Variants in LRP1B observed in about 807,000 individuals in gnomAD.
LRP1B encodes LDL receptor related protein 1B, also known as low-density lipoprotein receptor-related protein 1B.
LRP1B carries 217 observed loss-of-function variants against 556.6 expected under a neutral mutation model. The observed-to-expected ratio is 0.39, with a 90% CI of 0.35 to 0.44. The LOEUF (loss-of-function observed/expected upper bound fraction) is 0.44. LRP1B is among the 20% of genes least tolerant of loss of function. The pLI, the probability that LRP1B is intolerant of heterozygous loss-of-function variation, is 1.00. For synonymous variants in LRP1B, 2,047 were observed against 1,865.8 expected, an observed-to-expected ratio of 1.10 and a Z score of -2.50; for missense variants, 5,053 against 5,620.8, an observed-to-expected ratio of 0.90 and a Z score of 3.23.
chr2:140,881,443 TATG>T lies in LRP1B; in HGVS notation c.4169+2371_4169+2373del, dbSNP rs1257151362. On this transcript the variant is annotated intron_variant, in intron 25 of 90. Transcript: ENST00000389484. ...AAAATGTATATTTTAAAATGTGCTTTATGATGTTTATATAAACTTTATATCTTA... is the reference window on the plus strand; with the variant it reads ...AAAATGTATATTTTAAAATGTGCTTTATGTTTATATAAACTTTATATCTTA... Among the ~76,000 whole-genome samples, 9 of 152,248 alleles carry T rather than the reference TATG, an allele frequency of 5.9e-5. No homozygotes were observed. The South Asian group carries it at 6.2e-4, about 11-fold the overall frequency.
At chr2:140,301,796 TTTACA>T (rs1683836217) in intron 83 of LRP1B, among the ~76,000 whole-genome samples, 2 of 151,694 alleles carry the variant, frequency 1.3e-5, no homozygotes, top group Non-Finnish European at 2.9e-5. Flanking sequence ...TATTCTGTAC[TTTACA>T]TATATAAAGT....
intron 7 of LRP1B, among the ~76,000 whole-genome samples, chr2:141,100,643 A>C (rs2104937630): frequency 6.6e-6 from 1 of 152,274 alleles, no homozygotes. Context: ...AGAAGAAAGG[A>C]AACCTGGCCT....
intron 86 of LRP1B, among the ~76,000 whole-genome samples, chr2:140,260,381 T>C (rs1681877415): frequency 6.6e-6 from 1 of 151,942 alleles, no homozygotes; most frequent in African/African-American, 2.4e-5. Flanking sequence ...TCTGTACAAA[T>C]TAAACATTAC....
chr2:140,541,186 C>T (rs985769563), intron 44 of LRP1B, 88 bp from the exon 45 acceptor site: 1 of 1,030,880 alleles, frequency 9.7e-7, no homozygotes, highest in Non-Finnish European at 1.4e-6. Flanking sequence ...ATTAGACTGC[C>T]TCAATCTCTC....
At chr2:142,096,866 T>C (rs770645807) in intron 1 of LRP1B, among the ~76,000 whole-genome samples, 3 of 150,912 alleles carry the variant, frequency 2.0e-5, no homozygotes, top group Non-Finnish European at 1.5e-5. Flanking sequence ...TAACCCTTTC[T>C]CCTCTCCCTT....
At chr2:140,933,977 T>A (rs1419417796) in intron 20 of LRP1B, among the ~76,000 whole-genome samples, 5 of 151,906 alleles carry the variant, frequency 3.3e-5, no homozygotes, top group African/African-American at 9.7e-5. Context: ...AAAAGAGGTT[T>A]CCTATGGATA....
intron 27 of LRP1B, among the ~76,000 whole-genome samples, chr2:140,862,047 C>G (rs750850487): frequency 6.6e-6 from 1 of 152,124 alleles, no homozygotes. Context: ...ATCTTATCTA[C>G]ATTTTGCCTT....
intron 7 of LRP1B, among the ~76,000 whole-genome samples, chr2:141,120,153 T>G (rs545268487): frequency 7.0e-4 from 107 of 151,980 alleles, no homozygotes; most frequent in African/African-American, 2.4e-3. Flanking sequence ...AATTTCAGAT[T>G]TGAAATTATC....
chr2:140,329,981 C>T (rs898961888), intron 79 of LRP1B, among the ~76,000 whole-genome samples: 1 of 151,716 alleles, frequency 6.6e-6, no homozygotes, highest in African/African-American at 2.4e-5. Context: ...GGGTTGATCG[C>T]TTGAGATCTG....
intron 2 of LRP1B, among the ~76,000 whole-genome samples, chr2:141,644,596 A>AT (rs1298083287): frequency 9.2e-5 from 14 of 152,254 alleles, no homozygotes; most frequent in Non-Finnish European, 1.3e-4. Flanking sequence ...GCTTTAATAC[A>AT]TAACAATATG....
chr2:140,653,847 A>C (rs1001500893), intron 41 of LRP1B, among the ~76,000 whole-genome samples: 3 of 151,696 alleles, frequency 2.0e-5, no homozygotes, highest in Non-Finnish European at 4.4e-5. Context: ...TAACATGGTG[A>C]TACCCTGTCT....
At chr2:141,853,460 C>G (rs1375630994) in intron 1 of LRP1B, among the ~76,000 whole-genome samples, 2 of 151,694 alleles carry the variant, frequency 1.3e-5, no homozygotes, top group African/African-American at 4.8e-5. Flanking sequence ...TTTTCAAGTA[C>G]TGCACTCTAC....
At chr2:140,466,464 T>C (rs1687553216) in intron 60 of LRP1B, among the ~76,000 whole-genome samples, 1 of 152,098 alleles carries the variant, frequency 6.6e-6, no homozygotes, top group African/African-American at 2.4e-5. Context: ...ATATTGACAC[T>C]TTAATATGAG....
At chr2:141,344,699 C>G (rs1457773562) in intron 3 of LRP1B, among the ~76,000 whole-genome samples, 1 of 152,054 alleles carries the variant, frequency 6.6e-6, no homozygotes, top group East Asian at 1.9e-4. Context: ...AGGGCAGACT[C>G]TAATGTTTTT....
rs114331911 is a variant in LRP1B at position 142,107,290 on chromosome 2, G to T, written c.82+23358C>A. ...GTTGTAGAGAGGTGGAACCTTAAGA[G>T]GTGATTAGGTCATAAGGGTTCTGCC... On this transcript the variant is annotated intron_variant, in intron 1 of 90. Transcript: ENST00000389484. 5.8e-3 allele frequency among the ~76,000 whole-genome samples: 885 copies of T among 152,284 alleles called. 2 individuals carry two copies. Among genetic ancestry groups the T allele is most frequent in the African/African-American group, 0.02 (820 of 41,552 alleles).
intron 43 of LRP1B, among the ~76,000 whole-genome samples, chr2:140,552,112 G>T (rs1009191964): frequency 6.6e-6 from 1 of 151,842 alleles, no homozygotes; most frequent in Non-Finnish European, 1.5e-5. Context: ...ACTCTTTTTT[G>T]ATTTATTAGC....
chr2:141,167,822 A>G (rs1680333969), intron 7 of LRP1B, among the ~76,000 whole-genome samples: 2 of 151,998 alleles, frequency 1.3e-5, no homozygotes, highest in Non-Finnish European at 2.9e-5. Context: ...CCATTGATAG[A>G]ACTATTATGA....
intron 7 of LRP1B, among the ~76,000 whole-genome samples, chr2:141,122,012 T>C (rs1177886542): frequency 1.3e-5 from 2 of 152,188 alleles, no homozygotes; most frequent in Non-Finnish European, 2.9e-5. Flanking sequence ...AAGGATTCCC[T>C]ATTTAATAAA....
At chr2:142,007,132 T>C (rs1370084350) in intron 1 of LRP1B, among the ~76,000 whole-genome samples, 1 of 152,172 alleles carries the variant, frequency 6.6e-6, no homozygotes, top group African/African-American at 2.4e-5. Context: ...ACTCAAGAAA[T>C]CAAACCCTAA....
Sources: gnomAD v4.1 joint callset for allele counts (sites outside exome capture counted in the v4.1 genomes callset) on GRCh38, gnomAD v4.1.1 for gene constraint, MANE v1.5 for transcripts, NCBI Gene and HGNC (gene_info 2026-07-23, HGNC 2026-07-21) for gene names.